The following PPL variants were observed in gnomAD, a reference collection of about 807,000 sequenced individuals.
The protein encoded by PPL is periplakin, also known as 190 kDa paraneoplastic pemphigus antigen.
Under a neutral mutation model 194.4 loss-of-function variants are expected in PPL, and 198 were observed. The observed-to-expected ratio is 1.02, with a 90% CI of 0.91 to 1.15. PPL has a LOEUF of 1.15. PPL is among the 50% of genes most tolerant of loss of function. The pLI, the probability that PPL is intolerant of heterozygous loss-of-function variation, is 0.00. For missense variants in PPL, 2,885 were observed against 2,294.8 expected, an observed-to-expected ratio of 1.26 and a Z score of -5.25; for synonymous variants, 1,220 against 972.4, an observed-to-expected ratio of 1.25 and a Z score of -4.74.
rs139894677 is a variant in PPL, at chr16:4,884,465, G to T, written c.4190C>A (p.Thr1397Asn). ...CTCCTCCAGCTGCCGCTCAAGCTCGGTGCGCCGGCGCTGCAGCCGCCGCAG... is the reference window on the plus strand; with the variant it reads ...CTCCTCCAGCTGCCGCTCAAGCTCGTTGCGCCGGCGCTGCAGCCGCCGCAG... ...AELRRLQRRR[T>N]ELERQLEELE... The change falls in exon 22 of 22, where the codon ACC becomes AAC. Residue 1397 changes from threonine (T) to asparagine (N), a missense_variant. Thr to Asn is a moderately conservative substitution (Grantham distance 65). Coordinates refer to ENST00000345988, the MANE Select transcript of PPL (RefSeq NM_002705.5). This position sits in a 1 kb window ranked among gnomAD's most constrained non-coding sequence, Gnocchi z 5.7. The T allele has an allele frequency of 7.2e-4, 1,156 of 1,602,196 alleles. 7 individuals carry two copies. In the African/African-American group the frequency reaches 0.013, roughly 18 times the overall value.
chr16:4,903,366 C>T (rs1343764548), intron 3 of PPL, among the ~76,000 whole-genome samples: 1 of 152,150 alleles, frequency 6.6e-6, no homozygotes, highest in Non-Finnish European at 1.5e-5. Context: ...ATATCAACTC[C>T]CTAAGCCTCC....
chr16:4,914,869 C>A (rs1444043726), intron 1 of PPL, among the ~76,000 whole-genome samples: 1 of 152,162 alleles, frequency 6.6e-6, no homozygotes, highest in African/African-American at 2.4e-5. Context: ...TCCCTAACCC[C>A]CCACTTCCTG....
At chr16:4,923,222 C>T (rs981621744) in intron 1 of PPL, among the ~76,000 whole-genome samples, 1 of 152,222 alleles carries the variant, frequency 6.6e-6, no homozygotes, top group African/African-American at 2.4e-5. Context: ...TACCTGGGAA[C>T]GCGTCTCCTG....
chr16:4,932,380 G>GGT (rs1455855795), intron 1 of PPL, among the ~76,000 whole-genome samples: 2 of 151,860 alleles, frequency 1.3e-5, no homozygotes, highest in Admixed American at 6.6e-5. Context: ...TCAGCTCCCT[G>GGT]GTCAGCTCTG....
intron 2 of PPL, among the ~76,000 whole-genome samples, chr16:4,910,057 G>A (rs1226447360): frequency 6.6e-6 from 1 of 152,156 alleles, no homozygotes; most frequent in African/African-American, 2.4e-5. Context: ...CACCGGGCTG[G>A]CGCTGGTGGA....
chr16:4,915,657 G>C (rs1418226696), intron 1 of PPL, among the ~76,000 whole-genome samples: 4 of 152,132 alleles, frequency 2.6e-5, no homozygotes, highest in South Asian at 2.1e-4. Context: ...GTTACTCATG[G>C]GGATGCTAGG....
Position 4,884,574 on chromosome 16 carries a change from C to G in PPL, c.4081G>C (p.Glu1361Gln), listed in dbSNP as rs1257192422. The G allele has an allele frequency of 1.2e-6, 2 of 1,613,968 alleles. No individual in the cohort carries two copies. The highest frequency in any genetic ancestry group is 1.7e-5 in the Admixed American group (1 of 59,984). ...VQQEVVRYEE[E>Q]PGLRAEASAF... Reference sequence around the variant, plus strand: ...CTCGCCTCGGCCCGCAGGCCTGGCTCCTCCTCATACCTGACCACCTCCTGC... The same window carrying G: ...CTCGCCTCGGCCCGCAGGCCTGGCTGCTCCTCATACCTGACCACCTCCTGC... The change falls in exon 22 of 22, where the codon GAG (glutamate) becomes CAG (glutamine). Residue 1361 changes from glutamate (E) to glutamine (Q), a missense_variant. Physicochemically the swap from Glu to Gln is conservative, Grantham distance 29. Transcript: ENST00000345988. The surrounding 1 kb of genome is among the most constrained non-coding windows in gnomAD (Gnocchi z 5.7).
chr16:4,889,039 C>CT lies in PPL; in HGVS notation c.2335dup (p.Ser779LysfsTer2). The CT allele has an allele frequency of 4.3e-6, 7 of 1,613,732 alleles. No homozygotes were observed. The highest frequency in any genetic ancestry group is 5.9e-6 in the Non-Finnish European group (7 of 1,179,884). On this transcript the variant is annotated frameshift_variant, in exon 19 of 22. Coordinates refer to ENST00000345988, the MANE Select transcript of PPL (RefSeq NM_002705.5). LOFTEE classifies it high-confidence loss of function. ...GATCTTCTGTACTTCCTGCTCCCTA[C>CT]TTGCTATCTCATCTAGCAGGTTCTG...
intron 1 of PPL, among the ~76,000 whole-genome samples, chr16:4,929,852 A>ATT (rs780244720): frequency 7.1e-5 from 10 of 140,726 alleles, no homozygotes; most frequent in African/African-American, 1.6e-4. Flanking sequence ...TGCCCAGCTA[A>ATT]TTTTTTTTTT....
In PPL at chr16:4,902,577, C is replaced by T. The variant is rs536253874; in HGVS notation, c.318-51G>A. 1.3e-4 allele frequency: 209 copies of T among 1,588,146 alleles called. 2 individuals are homozygous for T. The South Asian group carries it at 2.3e-3, about 18-fold the overall frequency. ...GTGGGGCTGGTTGGCACTGCCTGCA[C>T]CCCAGGAGGGGCCCCCCACCCAGAC... On this transcript the variant is annotated intron_variant, in intron 3 of 21. Transcript: ENST00000345988. This position sits in a 1 kb window ranked among gnomAD's most constrained non-coding sequence, Gnocchi z 4.0.
chr16:4,929,976 C>T (rs1057198134), intron 1 of PPL, among the ~76,000 whole-genome samples: 19 of 152,160 alleles, frequency 1.2e-4, no homozygotes, highest in African/African-American at 4.1e-4. Context: ...CGAACCACTG[C>T]ACCTGGTTCC....
At chr16:4,887,024 G>A (rs771770211) in intron 21 of PPL, 111 bp downstream of exon 21, 248 of 925,046 alleles carry the variant, frequency 2.7e-4, no homozygotes, top group Admixed American at 1.7e-3. Flanking sequence ...GCCCAGAAAC[G>A]TTAGCAAGGG....
At chr16:4,892,286 A>G in intron 14 of PPL, 73 bp from the exon 15 acceptor site, 1 of 1,486,436 alleles carries the variant, frequency 6.7e-7, no homozygotes, top group Non-Finnish European at 9.1e-7. Flanking sequence ...GCCCAGGGTG[A>G]GCACAGATTC....
chr16:4,883,372 C>G lies in PPL; in HGVS notation c.*12G>C, dbSNP rs758969944. The G allele has an allele frequency of 6.2e-5, 100 of 1,613,432 alleles. No individual in the cohort carries two copies. In the Admixed American group the frequency reaches 1.6e-3, roughly 26 times the overall value. On this transcript the variant is annotated 3_prime_UTR_variant, in exon 22 of 22. Coordinates refer to ENST00000345988, the MANE Select transcript of PPL (RefSeq NM_002705.5). The surrounding 1 kb of genome is among the most constrained non-coding windows in gnomAD (Gnocchi z 4.8). ...CAGCGTCTGCCGTTACGAAGAGTTG[C>G]AAGAGCTGTGCCTACTTCTGCCCAG...
At chr16:4,911,829 G>A (rs1041304150) in intron 1 of PPL, among the ~76,000 whole-genome samples, 1 of 152,030 alleles carries the variant, frequency 6.6e-6, no homozygotes, top group Non-Finnish European at 1.5e-5. Flanking sequence ...TCAGCCACCA[G>A]GCCCCGACTA....
intron 10 of PPL, 65 bp from the exon 11 acceptor site, chr16:4,895,472 G>T (rs1156930915): frequency 1.9e-6 from 3 of 1,604,850 alleles, no homozygotes; most frequent in Non-Finnish European, 2.6e-6. Context: ...GGAGGACGCA[G>T]AGCAGGGGCT....
At chr16:4,931,520 G>A (rs940826312) in intron 1 of PPL, among the ~76,000 whole-genome samples, 2 of 152,296 alleles carry the variant, frequency 1.3e-5, no homozygotes, top group African/African-American at 4.8e-5. Flanking sequence ...ATCAGAAGCC[G>A]GGAGAACAAA....
Position 4,885,441 on chromosome 16 carries a change from G to A in PPL, c.3214C>T (p.Gln1072Ter), listed in dbSNP as rs2088199024. The change falls in exon 22 of 22, where the codon CAG becomes TAG. Residue 1072 changes from glutamine to a stop codon, truncating the protein, a stop_gained. Transcript: ENST00000345988. LOFTEE classifies it high-confidence loss of function. This position sits in a 1 kb window ranked among gnomAD's most constrained non-coding sequence, Gnocchi z 6.3. ...NDPQLEAEYQ[Q>*]LQEDHQRQDQ... ...TGGCGCTGGTGGTCCTCCTGCAGCTGCTGGTACTCTGCCTCCAGCTGGGGG... is the reference window on the plus strand; with the variant it reads ...TGGCGCTGGTGGTCCTCCTGCAGCTACTGGTACTCTGCCTCCAGCTGGGGG... 6.2e-7 allele frequency: 1 copy of A among 1,612,602 alleles called. No individual in the cohort carries two copies. The highest frequency in any genetic ancestry group is 8.5e-7 in the Non-Finnish European group (1 of 1,179,990).
Position 4,891,948 on chromosome 16 carries a change from C to T in PPL, c.1831G>A (p.Val611Ile). 6.2e-7 allele frequency: 1 copy of T among 1,612,454 alleles called. No individual in the cohort carries two copies. The highest frequency in any genetic ancestry group is 8.5e-7 in the Non-Finnish European group (1 of 1,179,518). ...LQLLDLAQEK[V>I]DVANRLEKSL... ...TTCTCCAGGCGGTTGGCCACATCAA[C>T]CCTGAGAGCACCAATCAGGCGTCGG... The change falls in exon 16 of 22, where the codon GTT becomes ATT. Residue 611 changes from valine (V) to isoleucine (I), a missense_variant and splice_region_variant. Coordinates refer to ENST00000345988, the MANE Select transcript of PPL (RefSeq NM_002705.5).
Sources: allele counts gnomAD v4.1 joint callset (sites outside exome capture counted in the v4.1 genomes callset), GRCh38; gene constraint gnomAD v4.1.1; non-coding constraint Gnocchi (gnomAD v3.1); transcripts MANE v1.5; gene names NCBI Gene and HGNC (gene_info 2026-07-23, HGNC 2026-07-21).